Variants in GBE1 observed in about 807,000 individuals in gnomAD.
GBE1 encodes 1,4-alpha-glucan branching enzyme 1.
GBE1 carries 70 observed loss-of-function variants against 88.8 expected under a neutral mutation model. The observed-to-expected ratio is 0.79, with a 90% CI of 0.65 to 0.96. The LOEUF is 0.96. GBE1 is among the 40% of genes least tolerant of loss of function. GBE1 has a pLI of 0.00. For missense variants in GBE1, 872 were observed against 871.0 expected (o/e 1.00, Z -0.01); for synonymous variants, 284 against 300.1 (o/e 0.95, Z 0.56).
Position 81,568,572 on chromosome 3 carries a change from T to G in GBE1, c.1618+9353A>C, listed in dbSNP as rs542477572. 4.1e-4 allele frequency among the ~76,000 whole-genome samples: 63 copies of G among 152,338 alleles called. 1 individual carries two copies. The highest frequency in any genetic ancestry group is 1.4e-3 in the African/African-American group (60 of 41,580). Reference sequence around the variant, plus strand: ...CTATATTTATCCTGACCACTTTGCATGTCAAGCATTTAGTAGAGTAACTAA... The same window carrying G: ...CTATATTTATCCTGACCACTTTGCAGGTCAAGCATTTAGTAGAGTAACTAA... On this transcript the variant is annotated intron_variant, in intron 12 of 15. Coordinates refer to ENST00000429644, the MANE Select transcript of GBE1 (RefSeq NM_000158.4).
chr3:81,749,826 A>G (rs1023586220), intron 1 of GBE1, among the ~76,000 whole-genome samples: 3 of 152,244 alleles, frequency 2.0e-5, no homozygotes, highest in East Asian at 3.9e-4. Context: ...ACAATTTACA[A>G]TTGTCTAAAC....
chr3:81,537,171 T>C, intron 12 of GBE1, 76 bp from the exon 13 acceptor site: 3 of 918,492 alleles, frequency 3.3e-6, no homozygotes, highest in Admixed American at 7.9e-5. Flanking sequence ...AATAATTATA[T>C]GTTTTTAATG....
chr3:81,593,579 T>C (rs1159610910), intron 8 of GBE1, among the ~76,000 whole-genome samples: 2 of 151,990 alleles, frequency 1.3e-5, no homozygotes, highest in African/African-American at 4.8e-5. Context: ...TAAAAACCTA[T>C]GCATTCACAA....
At chr3:81,560,386 A>G (rs1347802561) in intron 12 of GBE1, among the ~76,000 whole-genome samples, 1 of 151,988 alleles carries the variant, frequency 6.6e-6, no homozygotes, top group Non-Finnish European at 1.5e-5. Context: ...TGTTTATAGA[A>G]AGTTGATAAT....
chr3:81,708,631 C>CAAGT lies in GBE1; in HGVS notation c.144-3022_144-3019dup, dbSNP rs146587929. Among the ~76,000 whole-genome samples, 1,397 of 152,200 alleles carry CAAGT rather than the reference C, an allele frequency of 9.2e-3. 21 individuals are homozygous for CAAGT. The highest frequency in any genetic ancestry group is 0.028 in the African/African-American group (1,169 of 41,558). On this transcript the variant is annotated intron_variant, in intron 1 of 15. Coordinates refer to ENST00000429644, the MANE Select transcript of GBE1 (RefSeq NM_000158.4). ...ATGAAAATTTCAAAATCACACTCTT[C>CAAGT]AAGTAACTCTATTTTTAGAAATTTG...
chr3:81,613,668 A>T (rs1344007943), intron 7 of GBE1, among the ~76,000 whole-genome samples: 2 of 152,172 alleles, frequency 1.3e-5, no homozygotes, highest in Non-Finnish European at 2.9e-5. Context: ...TTTAATTGTG[A>T]TATCTGACAG....
At chr3:81,689,448 T>C (rs1705487202) in intron 2 of GBE1, among the ~76,000 whole-genome samples, 1 of 152,250 alleles carries the variant, frequency 6.6e-6, no homozygotes, top group African/African-American at 2.4e-5. Flanking sequence ...CACCAACAAT[T>C]GTCATGTTTT....
chr3:81,513,577 A>AC (rs1041492440), intron 14 of GBE1, among the ~76,000 whole-genome samples: 31 of 151,682 alleles, frequency 2.0e-4, no homozygotes, highest in African/African-American at 6.5e-4. Flanking sequence ...CCAAAAAAAA[A>AC]ACAAAAAACA....
intron 7 of GBE1, among the ~76,000 whole-genome samples, chr3:81,632,714 A>C (rs1704532383): frequency 6.6e-6 from 1 of 152,154 alleles, no homozygotes; most frequent in African/African-American, 2.4e-5. Context: ...TATATACCCA[A>C]AGGATTATAT....
At chr3:81,520,113 C>CCTCAG (rs1702852458) in intron 14 of GBE1, among the ~76,000 whole-genome samples, 1 of 151,378 alleles carries the variant, frequency 6.6e-6, no homozygotes, top group Admixed American at 6.6e-5. Context: ...TAATTAAAGG[C>CCTCAG]CTCAGTCTCT....
intron 1 of GBE1, among the ~76,000 whole-genome samples, chr3:81,746,944 A>C (rs768155192): frequency 1.1e-4 from 17 of 152,190 alleles, no homozygotes; most frequent in Non-Finnish European, 2.4e-4. Context: ...TTTCAGTGAC[A>C]CCTGATTAAA....
rs915725717 is a variant in GBE1 at position 81,508,897 on chromosome 3, G to A, written c.1935-9670C>T. ...TGAGTAAGTTACTTACTTCCTGGAG[G>A]CTCAGTCTCTCATCTGTAAATGGAG... is the stretch of plus-strand genomic sequence containing the variant. On this transcript the variant is annotated intron_variant, in intron 14 of 15. Coordinates refer to ENST00000429644, the MANE Select transcript of GBE1 (RefSeq NM_000158.4). 3.9e-5 allele frequency among the ~76,000 whole-genome samples: 6 copies of A among 151,966 alleles called. No individual in the cohort carries two copies. The East Asian group carries it at 9.7e-4, about 25-fold the overall frequency.
intron 1 of GBE1, among the ~76,000 whole-genome samples, chr3:81,720,150 G>C (rs893498836): frequency 1.3e-5 from 2 of 151,888 alleles, no homozygotes; most frequent in African/African-American, 2.4e-5. Flanking sequence ...AGAGACAAAG[G>C]TTTCAAAATT....
At chr3:81,728,215 T>G (rs552203270) in intron 1 of GBE1, among the ~76,000 whole-genome samples, 1 of 152,078 alleles carries the variant, frequency 6.6e-6, no homozygotes, top group South Asian at 2.1e-4. Context: ...CATATACATA[T>G]CATAGAATCA....
intron 1 of GBE1, among the ~76,000 whole-genome samples, chr3:81,755,050 T>C (rs1332657113): frequency 1.3e-5 from 2 of 152,010 alleles, no homozygotes; most frequent in African/African-American, 2.4e-5. Flanking sequence ...ACCCATAGAA[T>C]AGGAGAAAAT....
chr3:81,555,712 T>C (rs912777599), intron 12 of GBE1, among the ~76,000 whole-genome samples: 2 of 152,186 alleles, frequency 1.3e-5, no homozygotes, highest in African/African-American at 2.4e-5. Context: ...GTTAGTTCTT[T>C]GACTTGCAAA....
chr3:81,593,719 T>C (rs1703914025), intron 8 of GBE1, among the ~76,000 whole-genome samples, 189 bp downstream of exon 8: 1 of 152,196 alleles, frequency 6.6e-6, no homozygotes, highest in Admixed American at 6.6e-5. Context: ...TCAGCAGATA[T>C]ATTTCAAAGG....
chr3:81,582,187 C>T (rs754936618), intron 10 of GBE1, among the ~76,000 whole-genome samples: 41 of 151,960 alleles, frequency 2.7e-4, no homozygotes, highest in Non-Finnish European at 5.1e-4. Context: ...CATTGCAGTG[C>T]GAATCTTTGG....
chr3:81,751,104 C>T (rs1035602648), intron 1 of GBE1, among the ~76,000 whole-genome samples: 1 of 151,986 alleles, frequency 6.6e-6, no homozygotes, highest in Non-Finnish European at 1.5e-5. Flanking sequence ...ATACCCCCGG[C>T]CCTCCGCCAA....
Sources: gnomAD v4.1 joint callset for allele counts (sites outside exome capture counted in the v4.1 genomes callset) on GRCh38, gnomAD v4.1.1 for gene constraint, MANE v1.5 for transcripts, NCBI Gene and HGNC (gene_info 2026-07-23, HGNC 2026-07-21) for gene names.